Variants in CACNA1E observed in about 807,000 individuals in gnomAD.
The protein encoded by CACNA1E is calcium voltage-gated channel subunit alpha1 E.
In CACNA1E, 40 loss-of-function variants were observed where a neutral mutation model predicts 259.2. The ratio of observed to expected loss-of-function variants is 0.15; its 90% CI spans 0.12 to 0.20. The LOEUF (loss-of-function observed/expected upper bound fraction) is 0.20. Among genes scored for constraint, CACNA1E ranks in the 10% least tolerant of loss-of-function variants. The pLI is 1.00. For synonymous variants in CACNA1E, 1,104 were observed against 1,138.5 expected, an observed-to-expected ratio of 0.97 and a Z score of 0.61; for missense variants, 1,874 against 3,040.1, an observed-to-expected ratio of 0.62 and a Z score of 9.02.
intron 32 of CACNA1E, among the ~76,000 whole-genome samples, chr1:181,760,786 C>T (rs1658515346): frequency 6.6e-6 from 1 of 152,168 alleles, no homozygotes. Context: ...TCAAAGCTCA[C>T]AATAATCTAG....
At chr1:181,695,562 A>G (rs982117342) in intron 7 of CACNA1E, among the ~76,000 whole-genome samples, 2 of 152,220 alleles carry the variant, frequency 1.3e-5, no homozygotes, top group Non-Finnish European at 1.5e-5. Context: ...AGAGCCCCTC[A>G]TGTATATTGG....
intron 27 of CACNA1E, among the ~76,000 whole-genome samples, chr1:181,753,609 T>C (rs1657791659): frequency 1.3e-5 from 2 of 152,176 alleles, no homozygotes; most frequent in Non-Finnish European, 2.9e-5. Flanking sequence ...TGCCTGGGCC[T>C]GCTCTCCCAA....
At chr1:181,774,399 G>C (rs1558375477) in intron 37 of CACNA1E, among the ~76,000 whole-genome samples, 1 of 152,232 alleles carries the variant, frequency 6.6e-6, no homozygotes, top group Non-Finnish European at 1.5e-5. Context: ...CCCATGTTGG[G>C]ATTAGGTTCG....
chr1:181,745,534 G>A (rs962016698), intron 25 of CACNA1E, among the ~76,000 whole-genome samples: 4 of 151,978 alleles, frequency 2.6e-5, no homozygotes, highest in Admixed American at 1.3e-4. Context: ...GCCCAGTACT[G>A]CTGGATTAGT....
intron 2 of CACNA1E, among the ~76,000 whole-genome samples, chr1:181,473,418 G>C (rs2102420439): frequency 6.6e-6 from 1 of 152,312 alleles, no homozygotes; most frequent in East Asian, 1.9e-4. Flanking sequence ...TTTTGAATTA[G>C]CACTCAGTTC....
chr1:181,325,723 G>A (rs1157233964), intron 1 of CACNA1E, among the ~76,000 whole-genome samples: 1 of 151,962 alleles, frequency 6.6e-6, no homozygotes, highest in Non-Finnish European at 1.5e-5. Flanking sequence ...CAAGGAAATA[G>A]GAGATCGTGG....
intron 3 of CACNA1E, among the ~76,000 whole-genome samples, chr1:181,572,223 G>A (rs78113103): frequency 5.6e-4 from 85 of 152,286 alleles, no homozygotes; most frequent in Middle Eastern, 3.4e-3. Context: ...GGGAATGCAA[G>A]GTTGGAGAAT....
intron 7 of CACNA1E, among the ~76,000 whole-genome samples, chr1:181,684,343 G>T (rs544314048): frequency 2.6e-4 from 40 of 151,962 alleles, no homozygotes; most frequent in African/African-American, 9.2e-4. Context: ...GGTTTTCACT[G>T]TTGATTTAAG....
At chr1:181,452,977 T>C (rs913626421) in intron 2 of CACNA1E, among the ~76,000 whole-genome samples, 1 of 152,254 alleles carries the variant, frequency 6.6e-6, no homozygotes, top group South Asian at 2.1e-4. Context: ...GCATTGTTGC[T>C]GACCCTGTGA....
intron 1 of CACNA1E, among the ~76,000 whole-genome samples, chr1:181,384,286 T>C (rs1186917008): frequency 1.3e-5 from 2 of 152,160 alleles, no homozygotes; most frequent in African/African-American, 4.8e-5. Context: ...TACTAAAAAT[T>C]CATATAGTAT....
intron 1 of CACNA1E, among the ~76,000 whole-genome samples, chr1:181,332,816 A>G (rs1370338974): frequency 3.3e-5 from 5 of 152,202 alleles, no homozygotes; most frequent in African/African-American, 1.2e-4. Flanking sequence ...AACTGATAAA[A>G]TGCACACTCC....
At chr1:181,503,359 T>C (rs1665432455) in intron 1 of CACNA1E, among the ~76,000 whole-genome samples, 1 of 152,224 alleles carries the variant, frequency 6.6e-6, no homozygotes, top group Admixed American at 6.5e-5. Flanking sequence ...GCCTGGGGTG[T>C]GATTAATATC....
chr1:181,331,729 C>A (rs556894062), intron 1 of CACNA1E, among the ~76,000 whole-genome samples: 1 of 152,106 alleles, frequency 6.6e-6, no homozygotes, highest in African/African-American at 2.4e-5. Context: ...TGTGAGGGCT[C>A]GGGTGATGCT....
At chr1:181,571,710 G>A (rs889675786) in intron 3 of CACNA1E, among the ~76,000 whole-genome samples, 7 of 152,192 alleles carry the variant, frequency 4.6e-5, no homozygotes, top group African/African-American at 1.4e-4. Flanking sequence ...TCTCACAGAT[G>A]CTGATGAACA....
At chr1:181,779,789 C>T (rs1280439550) in intron 38 of CACNA1E, among the ~76,000 whole-genome samples, 2 of 147,798 alleles carry the variant, frequency 1.4e-5, no homozygotes, top group African/African-American at 5.0e-5. Context: ...TTCACATGCA[C>T]ACACTCATGT....
chr1:181,722,158 G>C (rs1274471834), intron 16 of CACNA1E, among the ~76,000 whole-genome samples: 1 of 152,126 alleles, frequency 6.6e-6, no homozygotes, highest in African/African-American at 2.4e-5. Context: ...CTATGAGCTG[G>C]GGAACATTAG....
intron 1 of CACNA1E, among the ~76,000 whole-genome samples, chr1:181,493,132 A>T (rs1188176518): frequency 6.6e-6 from 1 of 152,214 alleles, no homozygotes; most frequent in East Asian, 1.9e-4. Flanking sequence ...CTCTCCTGAA[A>T]AATACACATA....
At chr1:181,739,385 C>G in intron 25 of CACNA1E, 132 bp downstream of exon 25, 1 of 686,620 alleles carries the variant, frequency 1.5e-6, no homozygotes, top group Non-Finnish European at 2.6e-6. Flanking sequence ...AATCTGCTCC[C>G]CAGTCGCCCC....
At chr1:181,699,098 C>T (rs1397071554) in intron 7 of CACNA1E, among the ~76,000 whole-genome samples, 2 of 152,104 alleles carry the variant, frequency 1.3e-5, no homozygotes, top group Non-Finnish European at 2.9e-5. Flanking sequence ...ACTACATTAC[C>T]AGTAGATATG....
Sources: allele counts gnomAD v4.1 joint callset (sites outside exome capture counted in the v4.1 genomes callset), GRCh38; gene constraint gnomAD v4.1.1; transcripts MANE v1.5; gene names NCBI Gene and HGNC (gene_info 2026-07-23, HGNC 2026-07-21).